Variants in RHOBTB2 observed in about 807,000 individuals in gnomAD.
The protein encoded by RHOBTB2 is Rho related BTB domain containing 2.
A neutral mutation model predicts 66.5 loss-of-function variants in RHOBTB2; 39 were observed. That is an observed-to-expected ratio of 0.59 (90% CI 0.45 to 0.77). The LOEUF is 0.77. Among genes scored for constraint, RHOBTB2 ranks in the 30% least tolerant of loss-of-function variants. RHOBTB2 has a pLI of 0.00. For missense variants in RHOBTB2, 755 were observed against 999.1 expected (o/e 0.76, Z 3.29); for synonymous variants, 390 against 395.0 (o/e 0.99, Z 0.15).
the RHOBTB2 span, among the ~76,000 whole-genome samples, chr8:22,979,424 T>C: frequency 6.6e-6 from 1 of 152,296 alleles, no homozygotes; most frequent in South Asian, 2.1e-4. Flanking sequence ...GTTCTTTCTA[T>C]CCTTTGTGTA....
chr8:22,988,149 TC>T (rs1168457543), intron 1 of RHOBTB2, among the ~76,000 whole-genome samples: 1 of 135,466 alleles, frequency 7.4e-6, no homozygotes, highest in Non-Finnish European at 1.6e-5. Flanking sequence ...TCCTGCTCCT[TC>T]CCCTTTTTTT....
chr8:23,020,116 G>C lies in RHOBTB2; in HGVS notation c.*2647G>C, dbSNP rs1485343629. The C allele has an allele frequency of 2.7e-6, 1 of 372,784 alleles. No individual in the cohort carries two copies. Among genetic ancestry groups the C allele is most frequent in the Non-Finnish European group, 5.3e-6 (1 of 188,194 alleles). 23.1% of individuals were successfully genotyped at this position (372,784 alleles called of 1,614,324 possible). On this transcript the variant is annotated 3_prime_UTR_variant, in exon 10 of 10. Transcript: ENST00000251822. The stretch of plus-strand genomic sequence containing the variant: ...GAGGAGGGGAGGTTGGGGGGCGGGA[G>C]ACAAAAACCACACCTCTTTTTATAT...
chr8:23,011,815 A>G (rs1452223605), intron 7 of RHOBTB2, among the ~76,000 whole-genome samples: 1 of 152,218 alleles, frequency 6.6e-6, no homozygotes, highest in African/African-American at 2.4e-5. Context: ...ACATCCTCAC[A>G]TACTGAGTTG....
rs551216183 is a variant in RHOBTB2 at position 23,005,224 on chromosome 8, G to A, written c.193-148G>A. On this transcript the variant is annotated intron_variant, in intron 2 of 9. Coordinates refer to ENST00000251822, the MANE Select transcript of RHOBTB2 (RefSeq NM_015178.3). ...ATTTTACGTGGATGAAAGTTGTGCA[G>A]GGTGCACAGTGGGCGATGCCAGCCT... The A allele has an allele frequency of 1.1e-4, 70 of 615,348 alleles. 1 individual carries two copies. In the African/African-American group the frequency reaches 1.2e-3, roughly 10 times the overall value. The allele number at this position is 615,348 out of a possible 1,614,324, so 38.1% of individuals were successfully genotyped here.
the RHOBTB2 span, among the ~76,000 whole-genome samples, chr8:22,974,528 CT>C: frequency 6.6e-6 from 1 of 152,168 alleles, no homozygotes; most frequent in Non-Finnish European, 1.5e-5. Flanking sequence ...TTTCACAATT[CT>C]AATTTTCCTC....
chr8:22,962,179 C>CAAAAAAAAAAAAAAAAA, the RHOBTB2 span, among the ~76,000 whole-genome samples: 21 of 13,832 alleles, frequency 1.5e-3, no homozygotes, highest in Non-Finnish European at 2.1e-3. Flanking sequence ...AACGAATTTA[C>CAAAAAAAAAAAAAAAAA]AAAAAAAAAA....
At position 23,007,487 on chromosome 8, in the gene RHOBTB2, G is replaced by T. The variant is rs1811005408; in HGVS notation, c.1242G>T (p.Val414=). 1 of 1,614,086 alleles carries T rather than the reference G, an allele frequency of 6.2e-7. No homozygotes were observed. Among genetic ancestry groups the T allele is most frequent in the African/African-American group, 1.3e-5 (1 of 74,946 alleles). ...PLTYKSRLMV[V]VKMDSSIQPG... ...CCTACAAATCCCGGCTGATGGTGGT[G>T]GTGAAGATGGACAGTTCCATCCAGC... Residue 414 remains valine, a synonymous_variant, in exon 5 of 10, where the codon GTG becomes GTT. Coordinates refer to ENST00000251822, the MANE Select transcript of RHOBTB2 (RefSeq NM_015178.3).
the RHOBTB2 span, among the ~76,000 whole-genome samples, chr8:22,961,974 T>C: frequency 3.3e-5 from 5 of 152,144 alleles, no homozygotes; most frequent in African/African-American, 1.2e-4. Flanking sequence ...ATACATCTGA[T>C]AGTTTCTCAG....
In RHOBTB2 at chr8:23,017,338, C is replaced by T. The variant is rs1315133542; in HGVS notation, c.2053C>T (p.Arg685Cys). 23 of 1,614,202 alleles carry T rather than the reference C, an allele frequency of 1.4e-5. 1 individual carries two copies. Among genetic ancestry groups the T allele is most frequent in the Non-Finnish European group, 1.9e-5 (22 of 1,180,038 alleles). Reference sequence around the variant, plus strand: ...TCATTACCAGCGGGCACGGAAGGAGCGTGAGAAGGAGGACTACCTCCACCT... The same window carrying T: ...TCATTACCAGCGGGCACGGAAGGAGTGTGAGAAGGAGGACTACCTCCACCT... ...EDHYQRARKE[R>C]EKEDYLHLKR... The change falls in exon 10 of 10, where the codon CGT (arginine) becomes TGT (cysteine). Residue 685 changes from arginine (R) to cysteine (C), a missense_variant. Arg to Cys is a radical substitution (Grantham distance 180, BLOSUM62 -3). This residue lies in a region of RHOBTB2 where 353 missense variants were observed against 458.2 expected (regional missense o/e 0.77). Transcript: ENST00000251822. This position sits in a 1 kb window ranked among gnomAD's most constrained non-coding sequence, Gnocchi z 5.3.
the RHOBTB2 span, among the ~76,000 whole-genome samples, chr8:22,956,716 C>T: frequency 6.6e-6 from 1 of 152,186 alleles, no homozygotes; most frequent in South Asian, 2.1e-4. Context: ...AGCTGGAGTG[C>T]AATGGCGCAA....
the RHOBTB2 span, among the ~76,000 whole-genome samples, chr8:22,959,781 G>T: frequency 5.9e-5 from 9 of 152,122 alleles, no homozygotes; most frequent in African/African-American, 2.2e-4. Flanking sequence ...GGCAGAAGTA[G>T]TTTGATAAAG....
the RHOBTB2 span, among the ~76,000 whole-genome samples, chr8:22,973,542 C>T: frequency 6.6e-6 from 1 of 152,074 alleles, no homozygotes; most frequent in Non-Finnish European, 1.5e-5. Context: ...TCTGCTCTCC[C>T]CCATGTCAAA....
chr8:22,998,473 C>A (rs1265566380), upstream of RHOBTB2, among the ~76,000 whole-genome samples: 1 of 152,090 alleles, frequency 6.6e-6, no homozygotes, highest in Non-Finnish European at 1.5e-5. Flanking sequence ...GTGGCTCACG[C>A]CTGTAATCCT....
In RHOBTB2 at chr8:22,999,764, G is replaced by C. The variant is rs1161371389; in HGVS notation, c.-352G>C. 1.0e-6 allele frequency: 1 copy of C among 992,410 alleles called. No individual in the cohort carries two copies. The highest frequency in any genetic ancestry group is 1.8e-5 in the African/African-American group (1 of 56,922). 61.5% of individuals were successfully genotyped at this position (992,410 alleles called of 1,614,324 possible). A position where few individuals can be genotyped will look rare whatever the true frequency, so the allele number is the denominator to read the frequency against. Reference sequence around the variant, plus strand: ...GCGGCGGCGGCCTCGCCCCTCTCCCGGCGCCCCTGCGCGCCGCCCGCTGCC... The same window carrying C: ...GCGGCGGCGGCCTCGCCCCTCTCCCCGCGCCCCTGCGCGCCGCCCGCTGCC... On this transcript the variant is annotated 5_prime_UTR_variant, in exon 1 of 10. Coordinates refer to ENST00000251822, the MANE Select transcript of RHOBTB2 (RefSeq NM_015178.3).
upstream of RHOBTB2, among the ~76,000 whole-genome samples, chr8:22,996,205 A>G (rs1004599711): frequency 2.0e-5 from 3 of 152,126 alleles, no homozygotes; most frequent in African/African-American, 7.2e-5. Flanking sequence ...TTCTGGGGAC[A>G]GGTTCCAGGG....
upstream of RHOBTB2, among the ~76,000 whole-genome samples, chr8:22,995,105 T>C (rs79913163): frequency 6.6e-6 from 1 of 151,846 alleles, no homozygotes; most frequent in African/African-American, 2.4e-5. Context: ...TTTTTAAAAA[T>C]TTTTTTTAAT....
the RHOBTB2 span, among the ~76,000 whole-genome samples, chr8:22,955,232 C>A: frequency 7.2e-5 from 11 of 152,114 alleles, no homozygotes; most frequent in African/African-American, 1.7e-4. Context: ...CAAATCAAAT[C>A]AGAAAAAAAT....
chr8:22,955,180 C>G, the RHOBTB2 span, among the ~76,000 whole-genome samples: 1 of 152,072 alleles, frequency 6.6e-6, no homozygotes, highest in Non-Finnish European at 1.5e-5. Flanking sequence ...TGCCTATGGC[C>G]AGTAAAGGAT....
At chr8:22,994,616 C>T (rs1419225883), upstream of RHOBTB2, 4 of 1,551,620 alleles carry the variant, frequency 2.6e-6, no homozygotes. Flanking sequence ...CCGATGGCCC[C>T]CAGAAGACCT....
Sources: allele counts gnomAD v4.1 joint callset (sites outside exome capture counted in the v4.1 genomes callset), GRCh38; gene constraint gnomAD v4.1.1; regional missense constraint gnomAD v4.1.1; non-coding constraint Gnocchi (gnomAD v3.1); transcripts MANE v1.5; gene names NCBI Gene and HGNC (gene_info 2026-07-23, HGNC 2026-07-21).